Variants in NPTN observed in about 807,000 individuals in gnomAD.
The protein encoded by NPTN is neuroplastin.
A neutral mutation model predicts 42.7 loss-of-function variants in NPTN; 5 were observed. That is an observed-to-expected ratio of 0.12 (90% CI 0.06 to 0.25). The LOEUF is 0.25. NPTN is among the 10% of genes least tolerant of loss of function. NPTN has a pLI of 1.00. For missense variants in NPTN, 307 were observed against 525.4 expected (o/e 0.58, Z 4.06); for synonymous variants, 180 against 201.9 (o/e 0.89, Z 0.92).
intron 1 of NPTN, among the ~76,000 whole-genome samples, chr15:73,619,668 T>C (rs1012829927): frequency 3.3e-5 from 5 of 152,194 alleles, no homozygotes; most frequent in Non-Finnish European, 4.4e-5. Context: ...GCTTCACACA[T>C]CCTAAATGGT....
intron 2 of NPTN, among the ~76,000 whole-genome samples, chr15:73,595,225 C>T (rs1041297841): frequency 2.6e-5 from 4 of 152,166 alleles, no homozygotes; most frequent in African/African-American, 9.7e-5. Context: ...AGTGCAAATG[C>T]CCAGCCCAGT....
At chr15:73,632,724 C>A (rs1480717564) in intron 1 of NPTN, 2 of 176,220 alleles carry the variant, frequency 1.1e-5, no homozygotes, top group South Asian at 1.7e-4. Flanking sequence ...CTGACGGACA[C>A]CACCATCCCC....
At chr15:73,581,105 C>T (rs1040020355) in intron 4 of NPTN, among the ~76,000 whole-genome samples, 2 of 152,152 alleles carry the variant, frequency 1.3e-5, no homozygotes, top group Non-Finnish European at 2.9e-5. Context: ...ATCAAAGATA[C>T]TGATTACTAT....
chr15:73,603,623 C>T (rs1897164656), intron 1 of NPTN, among the ~76,000 whole-genome samples: 1 of 151,946 alleles, frequency 6.6e-6, no homozygotes, highest in Admixed American at 6.6e-5. Context: ...TCTGGAAAGT[C>T]CAAGAATAAT....
intron 1 of NPTN, among the ~76,000 whole-genome samples, chr15:73,612,613 A>G (rs1897647296): frequency 6.6e-6 from 1 of 152,014 alleles, no homozygotes; most frequent in South Asian, 2.1e-4. Context: ...TAAAAAAAAT[A>G]CAAAAAATTA....
At chr15:73,562,434 C>T (rs1475818069) in intron 7 of NPTN, among the ~76,000 whole-genome samples, 1 of 152,252 alleles carries the variant, frequency 6.6e-6, no homozygotes, top group African/African-American at 2.4e-5. Flanking sequence ...CCTTCGAATC[C>T]GGAACTATAA....
In NPTN at chr15:73,611,505, A is replaced by G. The variant is rs1367458146; in HGVS notation, c.92-14136T>C. Among the ~76,000 whole-genome samples, 7 of 152,286 alleles carry G rather than the reference A, an allele frequency of 4.6e-5. No homozygotes were observed. The East Asian group carries it at 1.2e-3, about 25-fold the overall frequency. On this transcript the variant is annotated intron_variant, in intron 1 of 8. Coordinates refer to ENST00000345330, the MANE Select transcript of NPTN (RefSeq NM_012428.4). Reference sequence around the variant, plus strand: ...AAATAAGCCAATCTGAAAAGGGTACACAGTATGATTCCAACTACATATATG... The same window carrying G: ...AAATAAGCCAATCTGAAAAGGGTACGCAGTATGATTCCAACTACATATATG...
At chr15:73,567,349 T>TA (rs1014364394) in intron 6 of NPTN, 12 of 985,132 alleles carry the variant, frequency 1.2e-5, no homozygotes, top group African/African-American at 3.5e-5. Context: ...CCTAATGGTA[T>TA]AAAAAAAATC....
chr15:73,579,141 C>T (rs1190029820), intron 4 of NPTN, among the ~76,000 whole-genome samples: 8 of 149,000 alleles, frequency 5.4e-5, no homozygotes, highest in African/African-American at 1.5e-4. Flanking sequence ...TAGCCAGGCA[C>T]GGTGGCGGGA....
chr15:73,562,896 G>C (rs577416756), intron 7 of NPTN, among the ~76,000 whole-genome samples: 22 of 152,070 alleles, frequency 1.4e-4, no homozygotes, highest in African/African-American at 5.1e-4. Context: ...GAAATGCTTG[G>C]GATCAGAAAC....
At chr15:73,603,845 T>C (rs542426140) in intron 1 of NPTN, among the ~76,000 whole-genome samples, 1 of 152,304 alleles carries the variant, frequency 6.6e-6, no homozygotes, top group Non-Finnish European at 1.5e-5. Flanking sequence ...TAAGAAAAGG[T>C]GTCAGGTTTT....
intron 4 of NPTN, among the ~76,000 whole-genome samples, chr15:73,587,116 A>T (rs1279215658): frequency 6.6e-6 from 1 of 152,202 alleles, no homozygotes; most frequent in Non-Finnish European, 1.5e-5. Flanking sequence ...ATGTAATCAT[A>T]CTTGTAAGGC....
intron 2 of NPTN, 129 bp downstream of exon 2, chr15:73,596,893 G>A (rs1896858913): frequency 1.3e-6 from 1 of 750,928 alleles, no homozygotes. Context: ...TCATGGGATT[G>A]AAAAAAAAAC....
intron 1 of NPTN, among the ~76,000 whole-genome samples, chr15:73,628,486 C>G (rs1233977540): frequency 6.6e-6 from 1 of 152,146 alleles, no homozygotes; most frequent in Non-Finnish European, 1.5e-5. Flanking sequence ...TTTATTCAAA[C>G]TTTTGTTGAA....
chr15:73,575,071 A>G (rs1185010577), intron 4 of NPTN, among the ~76,000 whole-genome samples: 2 of 151,968 alleles, frequency 1.3e-5, no homozygotes, highest in African/African-American at 2.4e-5. Context: ...GCAACCTCCA[A>G]CTCCTGGTTT....
chr15:73,627,219 G>C (rs562590263), intron 1 of NPTN, among the ~76,000 whole-genome samples: 35 of 152,242 alleles, frequency 2.3e-4, no homozygotes, highest in Admixed American at 2.0e-3. Flanking sequence ...CTGGGCAACA[G>C]AGCAAGACTC....
Position 73,580,656 on chromosome 15 carries a change from ATT to A in NPTN, c.707-6863_707-6862del, listed in dbSNP as rs367894520. Among the ~76,000 whole-genome samples the A allele has an allele frequency of 1.0e-3, 147 of 146,904 alleles. 3 individuals are homozygous for A. In the East Asian group the frequency reaches 0.025, roughly 25 times the overall value. On this transcript the variant is annotated intron_variant, in intron 4 of 8. Coordinates refer to ENST00000345330, the MANE Select transcript of NPTN (RefSeq NM_012428.4). ...GTATATACATGTTATATATGTATAT[ATT>A]TGTTACCATGTATTACTGGTAACTG...
rs964213478 is a variant in NPTN, at chr15:73,633,296, C to A, written c.-81G>T. On this transcript the variant is annotated 5_prime_UTR_variant, in exon 1 of 9. Transcript: ENST00000345330. ...GAAGGGAGGGGAGGGAGGGAGGGGG[C>A]GGGCGAGTGCGCGAGGGAGTGAGCG... 5.2e-6 allele frequency: 4 copies of A among 774,888 alleles called. No homozygotes were observed. The highest frequency in any genetic ancestry group is 3.1e-4 in the Middle Eastern group (1 of 3,246). 48.0% of individuals were successfully genotyped at this position (774,888 alleles called of 1,614,324 possible). A position where few individuals can be genotyped will look rare whatever the true frequency, so the allele number is the denominator to read the frequency against.
At position 73,560,607 on chromosome 15, in the gene NPTN, C is replaced by G. The variant is rs1894604448; in HGVS notation, c.*456G>C. The G allele has an allele frequency of 6.7e-6, 1 of 149,770 alleles. No individual in the cohort carries two copies. 9.3% of individuals were successfully genotyped at this position (149,770 alleles called of 1,614,324 possible). A position where few individuals can be genotyped will look rare whatever the true frequency, so the allele number is the denominator to read the frequency against. ...CATTTACTTTATTTTGGATTTCTCC[C>G]ACCCCCAAAAATATAAATATATATA... On this transcript the variant is annotated 3_prime_UTR_variant, in exon 9 of 9. Coordinates refer to ENST00000345330, the MANE Select transcript of NPTN (RefSeq NM_012428.4).
Sources: gnomAD v4.1 joint callset for allele counts (sites outside exome capture counted in the v4.1 genomes callset) on GRCh38, gnomAD v4.1.1 for gene constraint, MANE v1.5 for transcripts, NCBI Gene and HGNC (gene_info 2026-07-23, HGNC 2026-07-21) for gene names.